KIRREL3: variants seen among roughly 807,000 people sequenced by gnomAD.
KIRREL3 encodes the protein kirre like nephrin family adhesion molecule 3.
KIRREL3 carries 36 observed loss-of-function variants against 89.7 expected under a neutral mutation model. That is an observed-to-expected ratio of 0.40 (90% CI 0.31 to 0.53). KIRREL3 has a LOEUF of 0.53. Among genes scored for constraint, KIRREL3 ranks in the 20% least tolerant of loss-of-function variants. The pLI is 0.49. For synonymous variants in KIRREL3, 445 were observed against 441.4 expected (o/e 1.01, Z -0.10); for missense variants, 864 against 1,056.6 (o/e 0.82, Z 2.53).
chr11:126,457,427 A>ATGCGTGTGTGTATGTG (rs1444608685), intron 6 of KIRREL3, among the ~76,000 whole-genome samples: 1 of 146,930 alleles, frequency 6.8e-6, no homozygotes. Flanking sequence ...ATGTGTGTCT[A>ATGCGTGTGTGTATGTG]TGCGTGTGTG....
chr11:126,964,757 C>T (rs565743475), intron 1 of KIRREL3, among the ~76,000 whole-genome samples: 191 of 152,242 alleles, frequency 1.3e-3, no homozygotes, highest in African/African-American at 4.5e-3. Flanking sequence ...AAGGTCAACA[C>T]TGAGATTTAT....
rs1183499404 is a variant in KIRREL3 at position 126,877,395 on chromosome 11, A to T, written c.55+123060T>A. Among the ~76,000 whole-genome samples the T allele has an allele frequency of 6.6e-6, 1 of 152,254 alleles. No homozygotes were observed. Among genetic ancestry groups the T allele is most frequent in the Non-Finnish European group, 1.5e-5 (1 of 68,046 alleles). Reference sequence around the variant, plus strand: ...CAGGGTTTGGTCAGTAACGGGGCAGAGGAAGTAGATCATTTGGTCTCTGAA... The same window carrying T: ...CAGGGTTTGGTCAGTAACGGGGCAGTGGAAGTAGATCATTTGGTCTCTGAA... On this transcript the variant is annotated intron_variant, in intron 1 of 16. Coordinates refer to ENST00000525144, the MANE Select transcript of KIRREL3 (RefSeq NM_032531.4). The surrounding 1 kb of genome is among the most constrained non-coding windows in gnomAD (Gnocchi z 4.9).
At chr11:126,613,004 T>G (rs7947519) in intron 1 of KIRREL3, among the ~76,000 whole-genome samples, 25,390 of 152,174 alleles carry the variant, frequency 0.17, 2,229 homozygotes, top group East Asian at 0.33. Context: ...TACTTAGAAG[T>G]GGGATCACTG....
At position 126,475,562 on chromosome 11, in the gene KIRREL3, C is replaced by T. The variant is rs1053605480; in HGVS notation, c.434-2096G>A. 3.3e-5 allele frequency among the ~76,000 whole-genome samples: 5 copies of T among 152,212 alleles called. No individual in the cohort carries two copies. Among genetic ancestry groups the T allele is most frequent in the East Asian group, 3.9e-4 (2 of 5,162 alleles). ...CACTGACCCCAGGGGCAGCGAGCCC[C>T]GGACTCCACCGAGATCCTGGCTCAG... On this transcript the variant is annotated intron_variant, in intron 4 of 16. Transcript: ENST00000525144. This position sits in a 1 kb window ranked among gnomAD's most constrained non-coding sequence, Gnocchi z 7.5.
chr11:126,620,535 T>C lies in KIRREL3; in HGVS notation c.56-57623A>G, dbSNP rs1943535038. On this transcript the variant is annotated intron_variant, in intron 1 of 16. Transcript: ENST00000525144. This position sits in a 1 kb window ranked among gnomAD's most constrained non-coding sequence, Gnocchi z 4.8. ...ATTGTCTATGGGGTGCCTGTGCATG[T>C]GTGTTGTGTATGCATTTCTAGGAGG... 6.6e-6 allele frequency among the ~76,000 whole-genome samples: 1 copy of C among 152,184 alleles called. No individual in the cohort carries two copies. The highest frequency in any genetic ancestry group is 2.4e-5 in the African/African-American group (1 of 41,444).
intron 1 of KIRREL3, among the ~76,000 whole-genome samples, chr11:126,741,618 G>A (rs1261513958): frequency 6.6e-6 from 1 of 152,160 alleles, no homozygotes; most frequent in Admixed American, 6.5e-5. Flanking sequence ...AGTTTAAAAA[G>A]CACATAGGGG....
rs1296190337 is a variant in KIRREL3, at chr11:126,641,368, T to C, written c.56-78456A>G. 2.0e-5 allele frequency among the ~76,000 whole-genome samples: 3 copies of C among 151,694 alleles called. No homozygotes were observed. The highest frequency in any genetic ancestry group is 2.0e-4 in the Admixed American group (3 of 15,230). Reference sequence around the variant, plus strand: ...GGGTCTCTACTCCAGGCCTTGTCTCTGAAGAGCCTCTTGGTGGTCACAAAG... The same window carrying C: ...GGGTCTCTACTCCAGGCCTTGTCTCCGAAGAGCCTCTTGGTGGTCACAAAG... On this transcript the variant is annotated intron_variant, in intron 1 of 16. Coordinates refer to ENST00000525144, the MANE Select transcript of KIRREL3 (RefSeq NM_032531.4). The surrounding 1 kb of genome is among the most constrained non-coding windows in gnomAD (Gnocchi z 5.0).
chr11:126,926,175 G>A (rs553742601), intron 1 of KIRREL3, among the ~76,000 whole-genome samples: 71 of 152,314 alleles, frequency 4.7e-4, no homozygotes, highest in African/African-American at 1.7e-3. Context: ...TGGCAACAAA[G>A]GACAGGTGGG....
intron 1 of KIRREL3, among the ~76,000 whole-genome samples, chr11:126,626,959 C>G (rs1340312496): frequency 2.0e-5 from 3 of 151,022 alleles, no homozygotes; most frequent in Non-Finnish European, 4.4e-5. Flanking sequence ...CAGTTTGCAC[C>G]ATTGCACTCC....
In KIRREL3 at chr11:126,970,116, A is replaced by ACTGCCC; in HGVS notation, c.55+30333_55+30338dup. ...AACAGGAAAATGCAGCCTCTCTACCACTGCCCCTGCCCCCTCAGGGATATA... is the reference window on the plus strand; with the variant it reads ...AACAGGAAAATGCAGCCTCTCTACCACTGCCCCTGCCCCTGCCCCCTCAGGGATATA... On this transcript the variant is annotated intron_variant, in intron 1 of 16. Coordinates refer to ENST00000525144, the MANE Select transcript of KIRREL3 (RefSeq NM_032531.4). This position sits in a 1 kb window ranked among gnomAD's most constrained non-coding sequence, Gnocchi z 4.4. Among the ~76,000 whole-genome samples the ACTGCCC allele has an allele frequency of 6.6e-6, 1 of 152,162 alleles. No individual in the cohort carries two copies. The highest frequency in any genetic ancestry group is 2.4e-5 in the African/African-American group (1 of 41,436).
chr11:126,512,265 A>G (rs7935750), intron 4 of KIRREL3, among the ~76,000 whole-genome samples: 3 of 152,224 alleles, frequency 2.0e-5, no homozygotes, highest in African/African-American at 7.2e-5. Flanking sequence ...TCTTTCTATC[A>G]GGGCGACACT....
chr11:126,998,213 C>T (rs1393544369), intron 1 of KIRREL3, among the ~76,000 whole-genome samples: 1 of 152,118 alleles, frequency 6.6e-6, no homozygotes, highest in Admixed American at 6.5e-5. Flanking sequence ...TCATAATGCT[C>T]AAAACAACAT....
Position 126,492,220 on chromosome 11 carries a change from T to C in KIRREL3, c.434-18754A>G, listed in dbSNP as rs1685147474. Among the ~76,000 whole-genome samples, 2 of 151,992 alleles carry C rather than the reference T, an allele frequency of 1.3e-5. No homozygotes were observed. The highest frequency in any genetic ancestry group is 1.3e-4 in the Admixed American group (2 of 15,270). On this transcript the variant is annotated intron_variant, in intron 4 of 16. Coordinates refer to ENST00000525144, the MANE Select transcript of KIRREL3 (RefSeq NM_032531.4). This position sits in a 1 kb window ranked among gnomAD's most constrained non-coding sequence, Gnocchi z 4.8. Reference sequence around the variant, plus strand: ...GGGAAGATGGGCTCAGGCTGCAGCGTGAGGGAGTGAGGTTAGACATCTGGA... The same window carrying C: ...GGGAAGATGGGCTCAGGCTGCAGCGCGAGGGAGTGAGGTTAGACATCTGGA...
rs1255266927 is a variant in KIRREL3, at chr11:126,814,337, T to C, written c.55+186118A>G. Among the ~76,000 whole-genome samples, 2 of 152,090 alleles carry C rather than the reference T, an allele frequency of 1.3e-5. No individual in the cohort carries two copies. Among genetic ancestry groups the C allele is most frequent in the East Asian group, 3.9e-4 (2 of 5,170 alleles). ...GTGGGAGTGTAAATTAGTTCAACCA[T>C]TGTGTAAATTAGTTCAACCATTGTG... is the stretch of plus-strand genomic sequence containing the variant. On this transcript the variant is annotated intron_variant, in intron 1 of 16. Transcript: ENST00000525144. The surrounding 1 kb of genome is among the most constrained non-coding windows in gnomAD (Gnocchi z 4.4).
intron 1 of KIRREL3, among the ~76,000 whole-genome samples, chr11:126,962,889 G>A (rs1251787685): frequency 6.6e-6 from 1 of 152,134 alleles, no homozygotes; most frequent in African/African-American, 2.4e-5. Context: ...ATTATAACTC[G>A]TTAAAGGCTC....
At chr11:126,786,706 A>G (rs1243830567) in intron 1 of KIRREL3, among the ~76,000 whole-genome samples, 1 of 152,192 alleles carries the variant, frequency 6.6e-6, no homozygotes, top group African/African-American at 2.4e-5. Context: ...CATGCTGCTC[A>G]CAGCCTGGCA....
At chr11:126,688,124 A>G (rs1407174938) in intron 1 of KIRREL3, among the ~76,000 whole-genome samples, 2 of 152,218 alleles carry the variant, frequency 1.3e-5, no homozygotes, top group Non-Finnish European at 2.9e-5. Flanking sequence ...GGAGGTGGAG[A>G]GCTTGGCCTT....
In KIRREL3 at chr11:126,612,433, C is replaced by T. The variant is rs540411166; in HGVS notation, c.56-49521G>A. On this transcript the variant is annotated intron_variant, in intron 1 of 16. Coordinates refer to ENST00000525144, the MANE Select transcript of KIRREL3 (RefSeq NM_032531.4). The surrounding 1 kb of genome is among the most constrained non-coding windows in gnomAD (Gnocchi z 4.5). ...TTGTGTTCTCTATGCATCCTATCAC[C>T]TGGCTCTGCTACTAACTGTCTCATG... Among the ~76,000 whole-genome samples the T allele has an allele frequency of 3.9e-5, 6 of 152,270 alleles. No homozygotes were observed. The highest frequency in any genetic ancestry group is 4.1e-4 in the South Asian group (2 of 4,820).
intron 1 of KIRREL3, among the ~76,000 whole-genome samples, chr11:126,731,813 T>C (rs1948627960): frequency 6.6e-6 from 1 of 152,246 alleles, no homozygotes; most frequent in Non-Finnish European, 1.5e-5. Flanking sequence ...CTTCCATTTA[T>C]TCACAAGCTG....
Sources: gnomAD v4.1 joint callset for allele counts (sites outside exome capture counted in the v4.1 genomes callset) on GRCh38, gnomAD v4.1.1 for gene constraint, Gnocchi (gnomAD v3.1) non-coding constraint, MANE v1.5 for transcripts, NCBI Gene and HGNC (gene_info 2026-07-23, HGNC 2026-07-21) for gene names.